Variants in RBFOX1 observed in about 807,000 individuals in gnomAD.
The protein encoded by RBFOX1 is RNA binding protein fox-1 homolog 1.
In RBFOX1, 8 loss-of-function variants were observed where a neutral mutation model predicts 57.7. That is an observed-to-expected ratio of 0.14 (90% CI 0.08 to 0.25). RBFOX1 has a LOEUF of 0.25. Ranked by LOEUF, RBFOX1 falls within the 10% of genes least tolerant of loss-of-function variation. The pLI, the probability that RBFOX1 is intolerant of heterozygous loss-of-function variation, is 1.00. For synonymous variants in RBFOX1, 326 were observed against 222.4 expected (o/e 1.47, Z -4.15); for missense variants, 611 against 548.5 (o/e 1.11, Z -1.14).
At chr16:6,722,979 T>C (rs983799753) in intron 3 of RBFOX1, among the ~76,000 whole-genome samples, 2 of 152,148 alleles carry the variant, frequency 1.3e-5, no homozygotes, top group Admixed American at 1.3e-4. Context: ...GTGATGGTAT[T>C]TGACACTTTA....
In RBFOX1 at chr16:7,052,420, A is replaced by G. The variant is rs190282591; in HGVS notation, c.27+322A>G. Among the ~76,000 whole-genome samples, 388 of 152,302 alleles carry G rather than the reference A, an allele frequency of 2.5e-3. 1 individual carries two copies. The highest frequency in any genetic ancestry group is 8.2e-3 in the African/African-American group (339 of 41,568). ...CTAAGTAATAACAAAGGTCAAAAGG[A>G]TGGCTGGCTGCCTTCTTAATATGAA... On this transcript the variant is annotated intron_variant, in intron 4 of 15. Transcript: ENST00000550418.
At chr16:6,458,947 G>A (rs900224602) in intron 2 of RBFOX1, among the ~76,000 whole-genome samples, 5 of 152,206 alleles carry the variant, frequency 3.3e-5, no homozygotes, top group African/African-American at 9.6e-5. Flanking sequence ...GAGGACTGTG[G>A]AAATGTGCCC....
Position 6,654,580 on chromosome 16 carries a change from CCTTT to C in RBFOX1, c.-63-18_-63-15del, listed in dbSNP as rs2098632591. ...TGACTCCTGTTCTTTCTCTCACTTT[CCTTT>C]CTTTTCTTCTCTTCTCAGGATATCA... On this transcript the variant is annotated intron_variant, in intron 2 of 15. Transcript: ENST00000550418. 6.7e-7 allele frequency: 1 copy of C among 1,498,276 alleles called. No individual in the cohort carries two copies. The allele number at this position is 1,498,276 out of a possible 1,614,324, so 92.8% of individuals were successfully genotyped here. A position where few individuals can be genotyped will look rare whatever the true frequency, so the allele number is the denominator to read the frequency against.
intron 2 of RBFOX1, among the ~76,000 whole-genome samples, chr16:5,537,727 C>T (rs1476219673): frequency 6.6e-6 from 1 of 152,162 alleles, no homozygotes; most frequent in Non-Finnish European, 1.5e-5. Flanking sequence ...ATTTCTTTGA[C>T]TTTTCTCAGA....
chr16:7,123,444 A>T lies in RBFOX1; in HGVS notation c.27+71346A>T, dbSNP rs940049116. On this transcript the variant is annotated intron_variant, in intron 4 of 15. Coordinates refer to ENST00000550418, the MANE Select transcript of RBFOX1 (RefSeq NM_018723.4). ...CAGTGGTGCCAATACAGCTCACTGT[A>T]ACCTTGACCTCCTGGGCTCAGGTGA... 2.0e-5 allele frequency among the ~76,000 whole-genome samples: 3 copies of T among 152,250 alleles called. No homozygotes were observed. The East Asian group carries it at 5.8e-4, about 29-fold the overall frequency.
intron 4 of RBFOX1, among the ~76,000 whole-genome samples, chr16:7,291,938 T>G (rs1436152784): frequency 7.2e-6 from 1 of 138,728 alleles, no homozygotes; most frequent in East Asian, 2.0e-4. Flanking sequence ...ATTTTATATA[T>G]TATATATTAT....
At chr16:6,020,771 G>A (rs1040372269) in intron 1 of RBFOX1, among the ~76,000 whole-genome samples, 1 of 152,104 alleles carries the variant, frequency 6.6e-6, no homozygotes, top group South Asian at 2.1e-4. Flanking sequence ...GTGGGGCGCC[G>A]CTCCCATCTC....
At chr16:6,906,946 A>G (rs956611763) in intron 3 of RBFOX1, among the ~76,000 whole-genome samples, 2 of 151,288 alleles carry the variant, frequency 1.3e-5, no homozygotes, top group African/African-American at 2.4e-5. Context: ...CTGGTCTTGA[A>G]CTCCTGACCT....
rs34034136 is a variant in RBFOX1, at chr16:5,353,372, G to GAA, written c.219+113281_219+113282dup. Among the ~76,000 whole-genome samples the GAA allele has an allele frequency of 9.9e-3, 1,354 of 136,466 alleles. 11 individuals carry two copies. Among genetic ancestry groups the GAA allele is most frequent in the African/African-American group, 0.026 (956 of 36,386 alleles). 89.5% of individuals were successfully genotyped at this position (136,466 alleles called of 152,430 possible). A position where few individuals can be genotyped will look rare whatever the true frequency, so the allele number is the denominator to read the frequency against. Reference sequence around the variant, plus strand: ...CAGCCTGGGCAACAGAGTAGTGTCTGAAAAAAAAAAAAAAAGACTTCTTTG... The same window carrying GAA: ...CAGCCTGGGCAACAGAGTAGTGTCTGAAAAAAAAAAAAAAAAAGACTTCTTTG... On this transcript the variant is annotated intron_variant, in intron 1 of 2. Coordinates refer to the RBFOX1 transcript ENST00000585867.
intron 2 of RBFOX1, among the ~76,000 whole-genome samples, chr16:5,483,012 C>G (rs2069598967): frequency 6.6e-6 from 1 of 152,192 alleles, no homozygotes; most frequent in African/African-American, 2.4e-5. Flanking sequence ...CAGATACAAA[C>G]TGTCATCTAT....
In RBFOX1 at chr16:5,423,340, G is replaced by C. The variant is rs1019891554; in HGVS notation, c.220-43876G>C. Among the ~76,000 whole-genome samples the C allele has an allele frequency of 1.3e-5, 2 of 152,184 alleles. 1 individual carries two copies. ...CACCGGTTTTCACCTGCACATATTT[G>C]TGTGTGTGGTTCTCTGTGGTTTTCT... On this transcript the variant is annotated intron_variant, in intron 1 of 2. Coordinates refer to the RBFOX1 transcript ENST00000585867.
intron 4 of RBFOX1, among the ~76,000 whole-genome samples, chr16:7,148,943 C>A (rs935363117): frequency 1.3e-5 from 2 of 152,236 alleles, no homozygotes; most frequent in Non-Finnish European, 2.9e-5. Context: ...TGATGCATTT[C>A]ATTTCAAGAA....
At chr16:5,972,428 T>C (rs540265638) in intron 4 of RBFOX1, among the ~76,000 whole-genome samples, 1 of 152,306 alleles carries the variant, frequency 6.6e-6, no homozygotes, top group Non-Finnish European at 1.5e-5. Context: ...AAACCTCTCA[T>C]TATGTGTCCA....
intron 5 of RBFOX1, among the ~76,000 whole-genome samples, chr16:7,576,132 G>T (rs2093320048): frequency 1.3e-5 from 2 of 151,670 alleles, no homozygotes; most frequent in South Asian, 4.2e-4. Context: ...TGGAGACAGG[G>T]TCTCACTATG....
At chr16:6,948,772 A>G (rs1027342290) in intron 3 of RBFOX1, among the ~76,000 whole-genome samples, 2 of 152,040 alleles carry the variant, frequency 1.3e-5, no homozygotes, top group East Asian at 3.9e-4. Context: ...TGCCCATACA[A>G]TCCAGAAGAG....
At chr16:6,732,083 C>T (rs955982972) in intron 3 of RBFOX1, among the ~76,000 whole-genome samples, 1 of 152,108 alleles carries the variant, frequency 6.6e-6, no homozygotes, top group African/African-American at 2.4e-5. Context: ...TTTAACCTTT[C>T]CTTCATTTCT....
At position 5,899,180 on chromosome 16, in the gene RBFOX1, A is replaced by G. The variant is rs12921727; in HGVS notation, c.351+31845A>G. 1.8e-3 allele frequency among the ~76,000 whole-genome samples: 263 copies of G among 149,308 alleles called. 1 individual carries two copies. Among genetic ancestry groups the G allele is most frequent in the African/African-American group, 6.2e-3 (250 of 40,638 alleles). On this transcript the variant is annotated intron_variant, in intron 4 of 19. Coordinates refer to the RBFOX1 transcript ENST00000641259. ...AAAAAAAAAAAATAGGCTACTGACT[A>G]TCCACTGTAGCAGGATGCAAGACAC... is the stretch of plus-strand genomic sequence containing the variant.
intron 3 of RBFOX1, among the ~76,000 whole-genome samples, chr16:5,807,924 C>A (rs1303125954): frequency 1.3e-5 from 2 of 152,158 alleles, no homozygotes; most frequent in East Asian, 3.9e-4. Flanking sequence ...CCAGACAGAA[C>A]CACCATAAAC....
At chr16:6,138,649 C>T (rs754030512) in intron 1 of RBFOX1, among the ~76,000 whole-genome samples, 2 of 152,022 alleles carry the variant, frequency 1.3e-5, no homozygotes, top group Admixed American at 6.6e-5. Flanking sequence ...GGACAGATCA[C>T]GAGGTCAGGA....
Sources: gnomAD v4.1 joint callset for allele counts (sites outside exome capture counted in the v4.1 genomes callset) on GRCh38, gnomAD v4.1.1 for gene constraint, MANE v1.5 for transcripts, NCBI Gene and HGNC (gene_info 2026-07-23, HGNC 2026-07-21) for gene names.